KHDC1: variants seen among roughly 807,000 people sequenced by gnomAD.
KHDC1 encodes KH domain containing 1.
In KHDC1, 21 loss-of-function variants were observed where a neutral mutation model predicts 24.7. The observed-to-expected ratio is 0.85, with a 90% CI of 0.60 to 1.23. The LOEUF (loss-of-function observed/expected upper bound fraction) is 1.23. Among genes scored for constraint, KHDC1 ranks in the 50% most tolerant of loss-of-function variants. KHDC1 has a pLI of 0.00. For synonymous variants in KHDC1, 98 were observed against 111.7 expected (o/e 0.88, Z 0.77); for missense variants, 274 against 298.5 (o/e 0.92, Z 0.61).
At chr6:73,295,994 T>C (rs1399967044) in intron 1 of KHDC1, among the ~76,000 whole-genome samples, 1 of 150,764 alleles carries the variant, frequency 6.6e-6, no homozygotes, top group Non-Finnish European at 1.5e-5. Flanking sequence ...ATACAAAAAT[T>C]AGCCAGCCAT....
intron 2 of KHDC1, chr6:73,269,009 C>T (rs1767130158): frequency 6.5e-6 from 1 of 154,442 alleles, no homozygotes; most frequent in Non-Finnish European, 1.4e-5. Flanking sequence ...GTTCCCGAGC[C>T]CTTGCCCCGT....
In KHDC1 at chr6:73,263,204, A is replaced by G; in HGVS notation, c.207-20674T>C. ...GCGCGCTCGAGCGGAAGTGGCGGCG[A>G]CCCCGCCGGAAGCGCGCGGCTGCGG... On this transcript the variant is annotated intron_variant, in intron 2 of 4. Coordinates refer to ENST00000370384, the Ensembl canonical transcript of KHDC1. 1.0e-6 allele frequency: 1 copy of G among 985,422 alleles called. No homozygotes were observed. The highest frequency in any genetic ancestry group is 1.2e-6 in the Non-Finnish European group (1 of 830,386). The allele number at this position is 985,422 out of a possible 1,614,324, so 61.0% of individuals were successfully genotyped here.
chr6:73,287,993 C>T (rs184563996), intron 2 of KHDC1, among the ~76,000 whole-genome samples: 100 of 152,326 alleles, frequency 6.6e-4, no homozygotes, highest in Non-Finnish European at 1.2e-3. Flanking sequence ...ACTGCCCCCA[C>T]CATCTTCCTG....
At chr6:73,290,520 T>G in intron 2 of KHDC1, 1 of 408,622 alleles carries the variant, frequency 2.4e-6, no homozygotes, top group Non-Finnish European at 4.7e-6. Context: ...TAATCTTTTT[T>G]TTTTCTAACA....
chr6:73,283,450 A>G (rs971005154), intron 2 of KHDC1, among the ~76,000 whole-genome samples: 1 of 151,892 alleles, frequency 6.6e-6, no homozygotes, highest in Non-Finnish European at 1.5e-5. Flanking sequence ...ACAGGGTCTC[A>G]GTGTTGCCCA....
rs140284711 is a variant in KHDC1, at chr6:73,283,917, C to G, written c.206+8081G>C. 8.6e-4 allele frequency among the ~76,000 whole-genome samples: 130 copies of G among 151,980 alleles called. 1 individual carries two copies. Among genetic ancestry groups the G allele is most frequent in the African/African-American group, 3.1e-3 (128 of 41,472 alleles). On this transcript the variant is annotated intron_variant, in intron 2 of 4. Transcript: ENST00000370384. ...ATAACTGCAGTATTTTCCCACTCCA[C>G]CCTTCATCCTCTCCAGCACATTGAA...
chr6:73,264,853 T>C (rs1207973694), intron 2 of KHDC1, among the ~76,000 whole-genome samples: 1 of 152,322 alleles, frequency 6.6e-6, no homozygotes, highest in East Asian at 1.9e-4. Flanking sequence ...CGAAGGCCAG[T>C]GATACCTGGA....
At chr6:73,264,736 C>T (rs1170334806) in intron 2 of KHDC1, among the ~76,000 whole-genome samples, 2 of 152,130 alleles carry the variant, frequency 1.3e-5, no homozygotes, top group Non-Finnish European at 2.9e-5. Context: ...CCAGGACCAG[C>T]CAGGGCCAAG....
chr6:73,266,932 T>C (rs1171446755), intron 2 of KHDC1, among the ~76,000 whole-genome samples: 1 of 152,364 alleles, frequency 6.6e-6, no homozygotes, highest in South Asian at 2.1e-4. Context: ...CACACACTTA[T>C]AGTCCCTACT....
In KHDC1 at chr6:73,245,039, T is replaced by C. The variant is rs142461697; in HGVS notation, c.207-2509A>G. On this transcript the variant is annotated intron_variant, in intron 2 of 4. Transcript: ENST00000370384. ...AATTCTGTACTACAGAAGATTAAGA[T>C]AAAATATAATTTGTGAAATAATCTT... 2.7e-3 allele frequency among the ~76,000 whole-genome samples: 409 copies of C among 152,338 alleles called. 2 individuals carry two copies. The highest frequency in any genetic ancestry group is 9.0e-3 in the African/African-American group (373 of 41,576).
chr6:73,266,321 C>T (rs1302906536), intron 2 of KHDC1, among the ~76,000 whole-genome samples: 1 of 152,220 alleles, frequency 6.6e-6, no homozygotes, highest in Non-Finnish European at 1.5e-5. Context: ...CTTTTTACTA[C>T]ATACCACAGG....
intron 1 of KHDC1, among the ~76,000 whole-genome samples, chr6:73,305,096 G>A (rs1473399062): frequency 6.6e-6 from 1 of 151,826 alleles, no homozygotes; most frequent in East Asian, 1.9e-4. Flanking sequence ...AAATTAGCTG[G>A]GCATGGTGGC....
At chr6:73,244,959 C>T (rs1355632762) in intron 2 of KHDC1, among the ~76,000 whole-genome samples, 2 of 152,096 alleles carry the variant, frequency 1.3e-5, no homozygotes, top group Non-Finnish European at 2.9e-5. Context: ...AAAACAATAG[C>T]TATAGTCTGC....
rs190793669 is a variant in KHDC1, at chr6:73,284,913, C to T, written c.206+7085G>A. Among the ~76,000 whole-genome samples the T allele has an allele frequency of 4.6e-5, 7 of 152,080 alleles. No individual in the cohort carries two copies. The East Asian group carries it at 7.8e-4, about 17-fold the overall frequency. ...AGGCTGGAATGCAGTGGCGCAATCT[C>T]GGCTCCCTGCAACCTCTGCCTCCTG... On this transcript the variant is annotated intron_variant, in intron 2 of 4. Transcript: ENST00000370384.
At chr6:73,281,612 C>G (rs79147895) in intron 2 of KHDC1, among the ~76,000 whole-genome samples, 1 of 132,994 alleles carries the variant, frequency 7.5e-6, no homozygotes, top group East Asian at 2.2e-4. Flanking sequence ...AGTGAAACTT[C>G]GTCTCAAAAA....
At chr6:73,250,048 A>G (rs147843768) in intron 2 of KHDC1, among the ~76,000 whole-genome samples, 5 of 152,376 alleles carry the variant, frequency 3.3e-5, no homozygotes, top group Admixed American at 2.6e-4. Context: ...TGAGAAATTG[A>G]CAGCTTCAAA....
At chr6:73,291,845 T>C (rs1026803130) in intron 2 of KHDC1, 2 of 768,056 alleles carry the variant, frequency 2.6e-6, no homozygotes, top group Non-Finnish European at 4.3e-6. Context: ...ATGGGCACAC[T>C]GGAAGCCCAA....
chr6:73,253,599 T>C (rs1266639308), intron 2 of KHDC1, among the ~76,000 whole-genome samples: 1 of 150,926 alleles, frequency 6.6e-6, no homozygotes, highest in Admixed American at 6.6e-5. Flanking sequence ...CAGGTTAACC[T>C]ATTAAAAATC....
At chr6:73,307,439 ATTAAT>A (rs1173028352) in intron 1 of KHDC1, among the ~76,000 whole-genome samples, 4 of 150,992 alleles carry the variant, frequency 2.6e-5, no homozygotes, top group African/African-American at 9.9e-5. Flanking sequence ...AAATAAATAA[ATTAAT>A]TAATTAATTA....
Sources: gnomAD v4.1 joint callset for allele counts (sites outside exome capture counted in the v4.1 genomes callset) on GRCh38, gnomAD v4.1.1 for gene constraint, MANE v1.5 for transcripts, NCBI Gene and HGNC (gene_info 2026-07-23, HGNC 2026-07-21) for gene names.